LRRC66: variants seen among roughly 807,000 people sequenced by gnomAD.
LRRC66 encodes leucine-rich repeat-containing protein 66.
A neutral mutation model predicts 24.6 loss-of-function variants in LRRC66; 29 were observed. That is an observed-to-expected ratio of 1.18 (90% CI 0.88 to 1.61). The LOEUF (loss-of-function observed/expected upper bound fraction) is 1.61. Among genes scored for constraint, LRRC66 ranks in the 40% most tolerant of loss-of-function variants. LRRC66 has a pLI of 0.00. For missense variants in LRRC66, 1,124 were observed against 1,058.0 expected (o/e 1.06, Z -0.87); for synonymous variants, 411 against 397.6 (o/e 1.03, Z -0.40).
chr4:51,993,863 T>A lies in LRRC66; in HGVS notation c.*516A>T, dbSNP rs1187615803. On this transcript the variant is annotated 3_prime_UTR_variant, in exon 5 of 5. Transcript: ENST00000682860. ...TTCAATATGTATGAAAAAATGTCAT[T>A]TGAATTCTCTTTGATGATCAAGTTG... is the stretch of plus-strand genomic sequence containing the variant. 6.6e-6 allele frequency: 1 copy of A among 152,458 alleles called. No homozygotes were observed. The highest frequency in any genetic ancestry group is 1.9e-4 in the East Asian group (1 of 5,200). The allele number at this position is 152,458 out of a possible 1,614,324, so 9.4% of individuals were successfully genotyped here.
intron 1 of LRRC66, chr4:52,017,920 T>C: frequency 1.0e-6 from 1 of 985,460 alleles, no homozygotes; most frequent in Non-Finnish European, 1.2e-6. Flanking sequence ...CACTCCACAG[T>C]GTGCTTTGGG....
intron 2 of LRRC66, among the ~76,000 whole-genome samples, chr4:52,010,169 A>T (rs1025961426): frequency 6.6e-6 from 1 of 152,190 alleles, no homozygotes; most frequent in Non-Finnish European, 1.5e-5. Context: ...GCATTTATGA[A>T]AGATCTAGCA....
At chr4:52,014,017 G>A (rs1282995459) in intron 2 of LRRC66, among the ~76,000 whole-genome samples, 18 of 152,222 alleles carry the variant, frequency 1.2e-4, no homozygotes, top group Admixed American at 1.2e-3. Flanking sequence ...ACTTTGGGAG[G>A]GTGAGGCCTG....
rs1578119821 is a variant in LRRC66 at position 52,017,341 on chromosome 4, G to A, written c.273C>T (p.Asp91=). Reference sequence around the variant, plus strand: ...TTTTTGATATGAGATTGTTACTGAGGTCCAGATGTTTTATTTTCCACTCTT... The same window carrying A: ...TTTTTGATATGAGATTGTTACTGAGATCCAGATGTTTTATTTTCCACTCTT... ...KKEEWKIKHL[D]LSNNLISKIT... is the part of the protein sequence containing the mutation. The change falls in exon 2 of 5, where the codon GAC becomes GAT. Residue 91 remains aspartate (D), a synonymous_variant. Coordinates refer to ENST00000682860, the MANE Select transcript of LRRC66 (RefSeq NM_001024611.3). The A allele has an allele frequency of 6.2e-7, 1 of 1,613,944 alleles. No individual in the cohort carries two copies.
At position 52,000,884 on chromosome 4, in the gene LRRC66, G is replaced by A. The variant is rs115570223; in HGVS notation, c.666+2339C>T. ...CCAGGTAAGCCATGCCTGGATTTCC[G>A]TCTCATAGAAATTGTGAGATAATCT... is the stretch of plus-strand genomic sequence containing the variant. On this transcript the variant is annotated intron_variant, in intron 3 of 4. Coordinates refer to ENST00000682860, the MANE Select transcript of LRRC66 (RefSeq NM_001024611.3). Among the ~76,000 whole-genome samples, 514 of 152,308 alleles carry A rather than the reference G, an allele frequency of 3.4e-3. 3 individuals are homozygous for A. The highest frequency in any genetic ancestry group is 0.012 in the African/African-American group (491 of 41,576).
intron 3 of LRRC66, among the ~76,000 whole-genome samples, chr4:52,001,732 G>A (rs555736883): frequency 2.6e-4 from 40 of 152,292 alleles, no homozygotes; most frequent in African/African-American, 5.3e-4. Flanking sequence ...TCAAGGCCAC[G>A]CTCCCCATCA....
At chr4:51,997,435 G>T (rs1736345711) in intron 4 of LRRC66, among the ~76,000 whole-genome samples, 2 of 152,072 alleles carry the variant, frequency 1.3e-5, no homozygotes, top group African/African-American at 4.8e-5. Flanking sequence ...CTTGTCTATG[G>T]TTCTTGAGAA....
In LRRC66 at chr4:51,995,604, C is replaced by G; in HGVS notation, c.1418G>C (p.Arg473Thr). 2 of 1,614,088 alleles carry G rather than the reference C, an allele frequency of 1.2e-6. No individual in the cohort carries two copies. The highest frequency in any genetic ancestry group is 1.7e-6 in the Non-Finnish European group (2 of 1,180,014). ...ATCCTTTCTGCTCCTTCCCAGAGTTCTATCAGGAATTACGGTGGCGTGTGG... is the reference window on the plus strand; with the variant it reads ...ATCCTTTCTGCTCCTTCCCAGAGTTGTATCAGGAATTACGGTGGCGTGTGG... The part of the protein sequence containing the change: ...PHPHATVIPD[R>T]TLGRSRKDPG... Residue 473 changes from arginine to threonine, a missense_variant, in exon 5 of 5, where the codon AGA becomes ACA. Physicochemically the swap from Arg to Thr is moderately conservative, Grantham distance 71 (BLOSUM62 -1). Transcript: ENST00000682860.
Position 52,017,160 on chromosome 4 carries a change from C to T in LRRC66, c.454G>A (p.Val152Met), listed in dbSNP as rs769427676. ...SFRNRFPLLK[V>M]LILQRNKLSD... is the part of the protein sequence containing the mutation. ...AGTTTATTTCTTTGAAGAATGAGCA[C>T]CTTCAGCAATGGAAACCTGTTTCTG... The change falls in exon 2 of 5, where the codon GTG becomes ATG. Residue 152 changes from valine (V) to methionine (M), a missense_variant. Coordinates refer to ENST00000682860, the MANE Select transcript of LRRC66 (RefSeq NM_001024611.3). 1 of 1,614,004 alleles carries T rather than the reference C, an allele frequency of 6.2e-7. No individual in the cohort carries two copies. The highest frequency in any genetic ancestry group is 8.5e-7 in the Non-Finnish European group (1 of 1,179,950).
At position 52,010,197 on chromosome 4, in the gene LRRC66, CA is replaced by C. The variant is rs374779612; in HGVS notation, c.497-6806del. On this transcript the variant is annotated intron_variant, in intron 2 of 4. Transcript: ENST00000682860. ...ATCTAGCAGCTTTATTTTTAATAGC[CA>C]AAAAGACAATCTAAGTGTCCATCAA... Among the ~76,000 whole-genome samples, 29 of 152,056 alleles carry C rather than the reference CA, an allele frequency of 1.9e-4. No homozygotes were observed. The East Asian group carries it at 4.8e-3, about 25-fold the overall frequency.
At chr4:52,000,866 A>G (rs1736431659) in intron 3 of LRRC66, among the ~76,000 whole-genome samples, 1 of 152,214 alleles carries the variant, frequency 6.6e-6, no homozygotes, top group Admixed American at 6.5e-5. Context: ...GCCCCAGGTA[A>G]GCCATGCCTG....
chr4:52,005,890 T>C, intron 2 of LRRC66, among the ~76,000 whole-genome samples: 1 of 152,216 alleles, frequency 6.6e-6, no homozygotes. Flanking sequence ...ATATTTTGAA[T>C]ATAACCTCTG....
intron 2 of LRRC66, among the ~76,000 whole-genome samples, chr4:52,004,201 G>T (rs1312066593): frequency 1.3e-5 from 2 of 152,106 alleles, no homozygotes; most frequent in African/African-American, 2.4e-5. Flanking sequence ...TAGAGACGGG[G>T]TTTCACCATG....
rs369864276 is a variant in LRRC66 at position 52,017,442 on chromosome 4, T to G, written c.172A>C (p.Ile58Leu). The G allele has an allele frequency of 9.3e-6, 15 of 1,614,008 alleles. No homozygotes were observed. The highest frequency in any genetic ancestry group is 1.3e-5 in the African/African-American group (1 of 74,942). Residue 58 changes from isoleucine (I) to leucine (L), a missense_variant, in exon 2 of 5, where the codon ATA becomes CTA. Transcript: ENST00000682860. The part of the protein sequence containing the change: ...FTGKCDIPVD[I>L]SQTAATVDVS... ...TCCACAGTGGCTGCTGTCTGTGATA[T>G]GTCCACAGGTATATCACACTTTCCG...
chr4:51,998,238 TCTTTC>T (rs1328660748), intron 3 of LRRC66, among the ~76,000 whole-genome samples: 5 of 152,196 alleles, frequency 3.3e-5, no homozygotes, highest in Admixed American at 2.6e-4. Flanking sequence ...TTCTCTTCCT[TCTTTC>T]CTGAGTGTAA....
chr4:52,019,490 A>C (rs577460463), intron 1 of LRRC66, among the ~76,000 whole-genome samples: 5 of 152,320 alleles, frequency 3.3e-5, no homozygotes, highest in Admixed American at 1.3e-4. Flanking sequence ...TGAAATTTAC[A>C]ATGTAACTTT....
At chr4:52,003,193 A>G in intron 3 of LRRC66, 30 bp downstream of exon 3, 1 of 1,561,500 alleles carries the variant, frequency 6.4e-7, no homozygotes, top group Non-Finnish European at 8.8e-7. Flanking sequence ...TGTCTTCCTT[A>G]TTCAAATATT....
At position 51,993,865 on chromosome 4, in the gene LRRC66, G is replaced by C. The variant is rs1267612684; in HGVS notation, c.*514C>G. On this transcript the variant is annotated 3_prime_UTR_variant, in exon 5 of 5. Coordinates refer to ENST00000682860, the MANE Select transcript of LRRC66 (RefSeq NM_001024611.3). ...CAATATGTATGAAAAAATGTCATTT[G>C]AATTCTCTTTGATGATCAAGTTGAA... 1 of 152,396 alleles carries C rather than the reference G, an allele frequency of 6.6e-6. No homozygotes were observed. The highest frequency in any genetic ancestry group is 1.5e-5 in the Non-Finnish European group (1 of 68,236). 9.4% of individuals were successfully genotyped at this position (152,396 alleles called of 1,614,324 possible). A position where few individuals can be genotyped will look rare whatever the true frequency, so the allele number is the denominator to read the frequency against.
chr4:51,994,433 G>A lies in LRRC66; in HGVS notation c.2589C>T (p.Pro863=), dbSNP rs928416573. The stretch of plus-strand genomic sequence containing the variant: ...GGAAGGCAGCCTTATCAGGATCTGA[G>A]GGAACTTCAGCAGAACATGGTGGTG... ...QQTPPCSAEV[P]SDPDKAAFHE... The change falls in exon 5 of 5, where the codon CCC becomes CCT. Residue 863 remains proline (P), a synonymous_variant. Coordinates refer to ENST00000682860, the MANE Select transcript of LRRC66 (RefSeq NM_001024611.3). The A allele has an allele frequency of 2.5e-6, 4 of 1,614,074 alleles. No homozygotes were observed. The highest frequency in any genetic ancestry group is 1.1e-5 in the South Asian group (1 of 91,064).
Sources: gnomAD v4.1 joint callset for allele counts (sites outside exome capture counted in the v4.1 genomes callset) on GRCh38, gnomAD v4.1.1 for gene constraint, MANE v1.5 for transcripts, NCBI Gene and HGNC (gene_info 2026-07-23, HGNC 2026-07-21) for gene names.